The following LRRIQ3 variants were observed in gnomAD, a reference collection of about 807,000 sequenced individuals.
LRRIQ3 encodes leucine-rich repeat and IQ domain-containing protein 3.
In LRRIQ3, 75 loss-of-function variants were observed where a neutral mutation model predicts 59.3. The observed-to-expected ratio is 1.26, with a 90% CI of 1.05 to 1.53. The LOEUF is 1.53. Among genes scored for constraint, LRRIQ3 ranks in the 40% most tolerant of loss-of-function variants. The pLI is 0.00. For missense variants in LRRIQ3, 831 were observed against 710.0 expected (o/e 1.17, Z -1.94); for synonymous variants, 250 against 231.3 (o/e 1.08, Z -0.73).
chr1:74,183,648 G>T lies in LRRIQ3; in HGVS notation c.37C>A (p.His13Asn). The change falls in exon 2 of 8, where the codon CAT becomes AAT. Residue 13 changes from histidine to asparagine, a missense_variant. Coordinates refer to ENST00000354431, the MANE Select transcript of LRRIQ3 (RefSeq NM_001105659.2). ...HGTVTEELTSHEEWSHYNENI... is the reference protein window; with the variant it reads ...HGTVTEELTSNEEWSHYNENI... ...TCATTATAGTGACTCCATTCTTCAT[G>T]ACTGGTTAGCTCTTCTGTGACTGTT... The T allele has an allele frequency of 6.2e-7, 1 of 1,608,676 alleles. No individual in the cohort carries two copies. Among genetic ancestry groups the T allele is most frequent in the Non-Finnish European group, 8.5e-7 (1 of 1,177,242 alleles).
At chr1:74,177,285 T>C (rs1054113090) in intron 3 of LRRIQ3, among the ~76,000 whole-genome samples, 3 of 152,104 alleles carry the variant, frequency 2.0e-5, no homozygotes, top group Non-Finnish European at 4.4e-5. Flanking sequence ...CTTTCTCCTG[T>C]GCTGGATGCT....
At chr1:74,153,153 G>A (rs914157382) in intron 4 of LRRIQ3, among the ~76,000 whole-genome samples, 1 of 151,854 alleles carries the variant, frequency 6.6e-6, no homozygotes, top group Non-Finnish European at 1.5e-5. Context: ...CATGATCTCA[G>A]TATAGCTGCC....
intron 5 of LRRIQ3, among the ~76,000 whole-genome samples, chr1:74,097,045 T>TC (rs1646459053): frequency 6.6e-6 from 1 of 152,092 alleles, no homozygotes; most frequent in Non-Finnish European, 1.5e-5. Flanking sequence ...TCAAACTCCA[T>TC]GCTGGGAGAA....
At chr1:74,042,042 A>T in intron 6 of LRRIQ3, 109 bp from the exon 7 acceptor site, 1 of 1,144,050 alleles carries the variant, frequency 8.7e-7, no homozygotes, top group Non-Finnish European at 1.1e-6. Flanking sequence ...TTACTTTACT[A>T]AGAAGAATTT....
At chr1:74,071,203 C>T (rs929903172) in intron 6 of LRRIQ3, among the ~76,000 whole-genome samples, 19 of 151,830 alleles carry the variant, frequency 1.3e-4, no homozygotes, top group African/African-American at 2.4e-5. Flanking sequence ...GACAGGGTCT[C>T]GCTGTGTCAC....
At chr1:74,142,229 T>C (rs950571565) in intron 4 of LRRIQ3, among the ~76,000 whole-genome samples, 3 of 151,924 alleles carry the variant, frequency 2.0e-5, no homozygotes, top group Admixed American at 6.6e-5. Context: ...TCCATATTTT[T>C]CCCACAGTAG....
At chr1:74,066,358 A>G (rs1654866672) in intron 6 of LRRIQ3, among the ~76,000 whole-genome samples, 1 of 152,106 alleles carries the variant, frequency 6.6e-6, no homozygotes, top group South Asian at 2.1e-4. Context: ...GATTTATTTG[A>G]CATAATGTGT....
At position 74,154,240 on chromosome 1, in the gene LRRIQ3, C is replaced by CAAAAAA. The variant is rs71078186; in HGVS notation, c.707+1487_707+1492dup. On this transcript the variant is annotated intron_variant, in intron 4 of 7. Coordinates refer to ENST00000354431, the MANE Select transcript of LRRIQ3 (RefSeq NM_001105659.2). ...TGGGCGACAGAGCGAGACTCCTTCT[C>CAAAAAA]AAAAAAAAAAAAAAAAAAAAAAAAA... 4.5e-3 allele frequency among the ~76,000 whole-genome samples: 259 copies of CAAAAAA among 57,268 alleles called. 28 individuals carry two copies. Among genetic ancestry groups the CAAAAAA allele is most frequent in the Middle Eastern group, 0.014 (1 of 70 alleles). The allele number at this position is 57,268 out of a possible 152,430, so 37.6% of individuals were successfully genotyped here.
At chr1:74,088,218 A>T (rs1472307617) in intron 5 of LRRIQ3, among the ~76,000 whole-genome samples, 2 of 152,176 alleles carry the variant, frequency 1.3e-5, no homozygotes, top group Non-Finnish European at 2.9e-5. Context: ...GAGTCTAAAA[A>T]TTACAAACAT....
chr1:74,105,812 T>C (rs752598765), intron 5 of LRRIQ3, among the ~76,000 whole-genome samples: 9 of 151,998 alleles, frequency 5.9e-5, no homozygotes, highest in Non-Finnish European at 1.3e-4. Flanking sequence ...AAAATTAATC[T>C]TTGGAAGCAA....
intron 1 of LRRIQ3, among the ~76,000 whole-genome samples, chr1:74,193,061 T>C (rs965389444): frequency 2.0e-5 from 3 of 152,146 alleles, no homozygotes; most frequent in African/African-American, 4.8e-5. Flanking sequence ...ACCACTACAA[T>C]TGATATATCC....
chr1:74,109,209 AC>A, intron 5 of LRRIQ3, 184 bp downstream of exon 5: 1 of 533,384 alleles, frequency 1.9e-6, no homozygotes, highest in Non-Finnish European at 3.4e-6. Context: ...CTATAGATGC[AC>A]CACAAAAATA....
intron 5 of LRRIQ3, among the ~76,000 whole-genome samples, chr1:74,091,094 G>T (rs1050046023): frequency 1.3e-5 from 2 of 152,006 alleles, no homozygotes; most frequent in Non-Finnish European, 2.9e-5. Flanking sequence ...GGCTCAAGGA[G>T]ATCAGGAATC....
intron 4 of LRRIQ3, among the ~76,000 whole-genome samples, chr1:74,142,432 A>T (rs572038583): frequency 9.2e-5 from 14 of 152,092 alleles, no homozygotes; most frequent in South Asian, 4.2e-4. Flanking sequence ...AGCAGAGTTA[A>T]TCACACCACA....
chr1:74,029,762 C>T (rs573004937), intron 7 of LRRIQ3, among the ~76,000 whole-genome samples: 14 of 152,082 alleles, frequency 9.2e-5, no homozygotes, highest in Admixed American at 2.6e-4. Context: ...GGAATAATTT[C>T]GGAAGAAATG....
chr1:74,145,685 C>T (rs1410963681), intron 4 of LRRIQ3, among the ~76,000 whole-genome samples: 4 of 152,016 alleles, frequency 2.6e-5, no homozygotes, highest in Non-Finnish European at 1.5e-5. Flanking sequence ...AATATTCCAC[C>T]ACTAAAATAT....
At chr1:74,090,655 A>AT (rs1240826893) in intron 5 of LRRIQ3, among the ~76,000 whole-genome samples, 1 of 152,078 alleles carries the variant, frequency 6.6e-6, no homozygotes, top group Non-Finnish European at 1.5e-5. Flanking sequence ...TGAAAGGCCA[A>AT]TGTAGGAGGA....
rs34325293 is a variant in LRRIQ3 at position 74,056,146 on chromosome 1, AAAATAAATAAATAAAT to A, written c.998-14229_998-14214del. On this transcript the variant is annotated intron_variant, in intron 6 of 7. Transcript: ENST00000354431. ...GGTGACAGAGTGAGAATCTGTCTCA[AAAATAAATAAATAAAT>A]AAATAAATAAATAAATAAATAAATA... 2.1e-3 allele frequency among the ~76,000 whole-genome samples: 304 copies of A among 142,668 alleles called. 3 individuals carry two copies. The highest frequency in any genetic ancestry group is 1.4e-3 in the South Asian group (6 of 4,370). The allele number at this position is 142,668 out of a possible 152,430, so 93.6% of individuals were successfully genotyped here. A position where few individuals can be genotyped will look rare whatever the true frequency, so the allele number is the denominator to read the frequency against.
At chr1:74,192,372 T>C (rs561976274) in intron 1 of LRRIQ3, among the ~76,000 whole-genome samples, 2 of 152,282 alleles carry the variant, frequency 1.3e-5, no homozygotes, top group Admixed American at 1.3e-4. Context: ...ACAGGTAGTT[T>C]CTTTTCAGCC....
Sources: gnomAD v4.1 joint callset for allele counts (sites outside exome capture counted in the v4.1 genomes callset) on GRCh38, gnomAD v4.1.1 for gene constraint, MANE v1.5 for transcripts, NCBI Gene and HGNC (gene_info 2026-07-23, HGNC 2026-07-21) for gene names.